Variants in CATSPERB observed in about 807,000 individuals in gnomAD.
CATSPERB encodes the protein cation channel sperm-associated auxiliary subunit beta.
In CATSPERB, 93 loss-of-function variants were observed where a neutral mutation model predicts 128.3. The observed-to-expected ratio is 0.72, with a 90% CI of 0.61 to 0.86. CATSPERB has a LOEUF of 0.86. CATSPERB is among the 40% of genes least tolerant of loss of function. The pLI is 0.00. For missense variants in CATSPERB, 1,153 were observed against 1,329.5 expected, an observed-to-expected ratio of 0.87 and a Z score of 2.06; for synonymous variants, 381 against 448.8, an observed-to-expected ratio of 0.85 and a Z score of 1.91.
intron 17 of CATSPERB, among the ~76,000 whole-genome samples, chr14:91,631,226 A>G (rs766973198): frequency 1.3e-5 from 2 of 152,248 alleles, no homozygotes; most frequent in Non-Finnish European, 2.9e-5. Flanking sequence ...CCCAGTGCCT[A>G]GCACAAGACT....
intron 7 of CATSPERB, among the ~76,000 whole-genome samples, chr14:91,696,732 G>A (rs1895568701): frequency 6.6e-6 from 1 of 152,174 alleles, no homozygotes; most frequent in African/African-American, 2.4e-5. Context: ...ATGTTGGAGA[G>A]AAAGATGAGA....
intron 14 of CATSPERB, among the ~76,000 whole-genome samples, chr14:91,660,719 A>T (rs960875055): frequency 3.9e-5 from 6 of 152,214 alleles, no homozygotes; most frequent in African/African-American, 1.4e-4. Flanking sequence ...TACATTTCCA[A>T]CTTTATAAAT....
At chr14:91,711,569 G>A (rs1369044582) in intron 5 of CATSPERB, among the ~76,000 whole-genome samples, 1 of 152,180 alleles carries the variant, frequency 6.6e-6, no homozygotes, top group African/African-American at 2.4e-5. Context: ...TTCTGCTGAT[G>A]AAAGTGTTCC....
At chr14:91,609,625 G>A (rs1465136573) in intron 21 of CATSPERB, among the ~76,000 whole-genome samples, 3 of 152,114 alleles carry the variant, frequency 2.0e-5, no homozygotes, top group Non-Finnish European at 2.9e-5. Flanking sequence ...ATGGATTTGT[G>A]TATAGTTTAT....
At chr14:91,617,309 A>G (rs1893957651) in intron 20 of CATSPERB, among the ~76,000 whole-genome samples, 1 of 152,220 alleles carries the variant, frequency 6.6e-6, no homozygotes, top group Non-Finnish European at 1.5e-5. Flanking sequence ...TTTGTGGTAA[A>G]AAAATATGAT....
chr14:91,626,657 C>T (rs1424667705), intron 17 of CATSPERB, among the ~76,000 whole-genome samples: 1 of 152,096 alleles, frequency 6.6e-6, no homozygotes, highest in African/African-American at 2.4e-5. Context: ...ACCCTTCTGC[C>T]TTCCACCATG....
At position 91,591,920 on chromosome 14, in the gene CATSPERB, G is replaced by A. The variant is rs762598233; in HGVS notation, c.2792C>T (p.Ala931Val). 10 of 1,613,318 alleles carry A rather than the reference G, an allele frequency of 6.2e-6. No homozygotes were observed. The highest frequency in any genetic ancestry group is 8.5e-6 in the Non-Finnish European group (10 of 1,179,424). Residue 931 changes from alanine to valine, a missense_variant, in exon 23 of 27, where the codon GCT (alanine) becomes GTT (valine). Ala to Val is a moderately conservative substitution (Grantham distance 64, BLOSUM62 0). Transcript: ENST00000256343. ...NCTKDQKFSH[A>V]VAFSDCREKV... ...TTCCCTGCAATCCGAGAAAGCAACAGCATGTGAAAACTTCTGATCCTTTGT... is the reference window on the plus strand; with the variant it reads ...TTCCCTGCAATCCGAGAAAGCAACAACATGTGAAAACTTCTGATCCTTTGT...
At position 91,699,902 on chromosome 14, in the gene CATSPERB, A is replaced by C. The variant is rs544262626; in HGVS notation, c.616+4650T>G. On this transcript the variant is annotated intron_variant, in intron 7 of 26. Coordinates refer to ENST00000256343, the MANE Select transcript of CATSPERB (RefSeq NM_024764.4). Reference sequence around the variant, plus strand: ...ATTAACTTTTTATTTTTACTTTTTAATTTTATTTATTTATTTATTTTAATA... The same window carrying C: ...ATTAACTTTTTATTTTTACTTTTTACTTTTATTTATTTATTTATTTTAATA... Among the ~76,000 whole-genome samples the C allele has an allele frequency of 2.6e-4, 40 of 151,156 alleles. No homozygotes were observed. In the East Asian group the frequency reaches 7.0e-3, roughly 26 times the overall value.
At chr14:91,682,818 T>C (rs113178191) in intron 11 of CATSPERB, among the ~76,000 whole-genome samples, 168 of 152,300 alleles carry the variant, frequency 1.1e-3, no homozygotes, top group African/African-American at 3.9e-3. Flanking sequence ...CTGCCTTTAA[T>C]AACACCCACC....
intron 16 of CATSPERB, 88 bp downstream of exon 16, chr14:91,639,008 A>G: frequency 8.4e-7 from 1 of 1,197,300 alleles, no homozygotes; most frequent in Non-Finnish European, 1.2e-6. Flanking sequence ...CAAGGAAAAT[A>G]CTTTCCCATT....
chr14:91,688,580 G>T (rs907228704), intron 10 of CATSPERB, among the ~76,000 whole-genome samples: 6 of 151,896 alleles, frequency 4.0e-5, no homozygotes, highest in African/African-American at 1.2e-4. Flanking sequence ...AGCCCTTCTG[G>T]ATCTCTCCTC....
intron 21 of CATSPERB, among the ~76,000 whole-genome samples, chr14:91,609,051 GAAA>G (rs954753739): frequency 2.4e-4 from 36 of 152,246 alleles, no homozygotes; most frequent in African/African-American, 7.9e-4. Context: ...GTGAGCTAGA[GAAA>G]AAATGAAAAT....
intron 20 of CATSPERB, among the ~76,000 whole-genome samples, chr14:91,614,874 AT>A (rs1893906559): frequency 6.6e-6 from 1 of 152,196 alleles, no homozygotes; most frequent in Admixed American, 6.5e-5. Context: ...TACATTATAA[AT>A]TTGCTATAAT....
intron 12 of CATSPERB, 50 bp from the exon 13 acceptor site, chr14:91,673,066 C>A: frequency 6.8e-7 from 1 of 1,466,512 alleles, no homozygotes; most frequent in South Asian, 1.3e-5. Flanking sequence ...AATATAAGTT[C>A]TAATTCTCTT....
intron 15 of CATSPERB, among the ~76,000 whole-genome samples, chr14:91,659,481 A>C (rs1451091560): frequency 2.0e-5 from 3 of 152,248 alleles, no homozygotes; most frequent in Non-Finnish European, 4.4e-5. Flanking sequence ...GTATCAGTGT[A>C]ATCAGCAAAA....
chr14:91,632,820 C>CAT (rs1295754859), intron 17 of CATSPERB, among the ~76,000 whole-genome samples: 2 of 151,670 alleles, frequency 1.3e-5, no homozygotes, highest in Admixed American at 6.6e-5. Context: ...ACTTAAAACA[C>CAT]ACACACACAC....
Position 91,580,946 on chromosome 14 carries a change from C to A in CATSPERB, c.3294G>T (p.Glu1098Asp). The A allele has an allele frequency of 1.2e-6, 2 of 1,614,222 alleles. No homozygotes were observed. Among genetic ancestry groups the A allele is most frequent in the Non-Finnish European group, 1.7e-6 (2 of 1,180,042 alleles). ...CACTGAGAGAGATACTTGAAAACTT[C>A]TCTTGGTTTCTTCTAATCCATCTTT... Reference protein sequence around the residue: ...TFQRWIRRNQEKFSSISLSEL... With the variant: ...TFQRWIRRNQDKFSSISLSEL... The change falls in exon 27 of 27, where the codon GAG becomes GAT. Residue 1098 changes from glutamate to aspartate, a missense_variant. Transcript: ENST00000256343.
At chr14:91,684,006 G>C in intron 10 of CATSPERB, 63 bp from the exon 11 acceptor site, 1 of 1,244,370 alleles carries the variant, frequency 8.0e-7, no homozygotes, top group Non-Finnish European at 1.1e-6. Context: ...TAAGATATAA[G>C]ATAGAAAAAA....
intron 7 of CATSPERB, among the ~76,000 whole-genome samples, chr14:91,699,897 T>A (rs1472192146): frequency 6.6e-6 from 1 of 151,830 alleles, no homozygotes; most frequent in East Asian, 1.9e-4. Flanking sequence ...TATTTTTACT[T>A]TTTAATTTTA....
Sources: gnomAD v4.1 joint callset for allele counts (sites outside exome capture counted in the v4.1 genomes callset) on GRCh38, gnomAD v4.1.1 for gene constraint, MANE v1.5 for transcripts, NCBI Gene and HGNC (gene_info 2026-07-23, HGNC 2026-07-21) for gene names.